The following HMCN1 variants were observed in gnomAD, a reference collection of about 807,000 sequenced individuals.
The protein encoded by HMCN1 is hemicentin 1, also known as hemicentin-1.
A neutral mutation model predicts 625.9 loss-of-function variants in HMCN1; 321 were observed. The observed-to-expected ratio is 0.51, with a 90% CI of 0.47 to 0.56. The LOEUF (loss-of-function observed/expected upper bound fraction) is 0.56, where lower values mean the gene tolerates loss of function less well. Ranked by LOEUF, HMCN1 falls within the 20% of genes least tolerant of loss-of-function variation. The probability of loss-of-function intolerance (pLI) is 0.00; values close to 1 mark genes in which losing one functional copy is unlikely to be tolerated. For missense variants in HMCN1, 6,588 were observed against 6,887.3 expected (o/e 0.96, Z 1.54); for synonymous variants, 2,425 against 2,417.6 (o/e 1.00, Z -0.09).
At chr1:185,948,940 T>A (rs1668496194) in intron 11 of HMCN1, among the ~76,000 whole-genome samples, 1 of 151,652 alleles carries the variant, frequency 6.6e-6, no homozygotes, top group South Asian at 2.1e-4. Flanking sequence ...GTGGGGTTGT[T>A]AGAAGAAGCA....
intron 1 of HMCN1, among the ~76,000 whole-genome samples, chr1:185,826,415 A>C (rs1660514735): frequency 6.6e-6 from 1 of 152,210 alleles, no homozygotes; most frequent in South Asian, 2.1e-4. Context: ...ATGTCTTCCC[A>C]AGGCAGTAGA....
chr1:185,735,002 A>G lies in HMCN1; in HGVS notation c.223A>G (p.Lys75Glu). Reference protein sequence around the residue: ...KILETSLKRPKRPLFNFALVP... With the variant: ...KILETSLKRPERPLFNFALVP... ...TTTGGAGACGTCTTTGAAAAGACCT[A>G]AAAGACCTCTTTTCAACTTTGCGTT... is the stretch of plus-strand genomic sequence containing the variant. The change falls in exon 1 of 107, where the codon AAA becomes GAA. Residue 75 changes from lysine to glutamate, a missense_variant. Lys to Glu is a moderately conservative substitution (Grantham distance 56, BLOSUM62 1). Transcript: ENST00000271588. 1 of 1,614,118 alleles carries G rather than the reference A, an allele frequency of 6.2e-7. No individual in the cohort carries two copies. The highest frequency in any genetic ancestry group is 1.3e-5 in the African/African-American group (1 of 75,036).
chr1:185,926,465 C>T (rs1197365285), intron 9 of HMCN1, among the ~76,000 whole-genome samples: 1 of 152,284 alleles, frequency 6.6e-6, no homozygotes, highest in East Asian at 1.9e-4. Flanking sequence ...ACATAACTAG[C>T]TGGTGAAATC....
At chr1:186,181,255 G>A (rs934586885) in intron 104 of HMCN1, among the ~76,000 whole-genome samples, 1 of 152,158 alleles carries the variant, frequency 6.6e-6, no homozygotes, top group African/African-American at 2.4e-5. Context: ...TATGCTCAGA[G>A]ACTATGAGCA....
chr1:185,789,412 C>G (rs1302628304), intron 1 of HMCN1, among the ~76,000 whole-genome samples: 2 of 152,178 alleles, frequency 1.3e-5, no homozygotes, highest in African/African-American at 2.4e-5. Context: ...GCTCAAGTAA[C>G]ACTGATGTGC....
rs767414619 is a variant in HMCN1, at chr1:185,984,355, A to G, written c.2935+42A>G. On this transcript the variant is annotated intron_variant, in intron 19 of 106. Transcript: ENST00000271588. ...ATGTTATTGTTTCGAAACTGTGTTC[A>G]AAGTAGTTGTTCTTATATTTTAATC... is the stretch of plus-strand genomic sequence containing the variant. The G allele has an allele frequency of 2.9e-5, 46 of 1,588,696 alleles. No individual in the cohort carries two copies. In the East Asian group the frequency reaches 1.0e-3, roughly 35 times the overall value.
chr1:186,087,768 C>A, intron 60 of HMCN1, 123 bp downstream of exon 60: 1 of 1,169,436 alleles, frequency 8.6e-7, no homozygotes, highest in Non-Finnish European at 1.3e-6. Context: ...AAATACATAG[C>A]CAATGCCATT....
chr1:185,761,259 G>A (rs1040177306), intron 1 of HMCN1, among the ~76,000 whole-genome samples: 3 of 152,108 alleles, frequency 2.0e-5, no homozygotes, highest in African/African-American at 4.8e-5. Context: ...TTGGGGGGTG[G>A]TAGAGCTTTT....
chr1:186,134,932 A>C (rs1056872788), intron 86 of HMCN1, among the ~76,000 whole-genome samples: 1 of 152,140 alleles, frequency 6.6e-6, no homozygotes, highest in African/African-American at 2.4e-5. Context: ...AATGTTCACA[A>C]CCCTGTATGC....
At chr1:186,187,808 C>A in intron 105 of HMCN1, 75 bp from the exon 106 acceptor site, 2 of 1,587,536 alleles carry the variant, frequency 1.3e-6, no homozygotes, top group Non-Finnish European at 1.7e-6. Flanking sequence ...TCTAGTCACA[C>A]ATCTACAGTG....
intron 1 of HMCN1, among the ~76,000 whole-genome samples, chr1:185,736,131 G>T (rs2102058535): frequency 6.6e-6 from 1 of 152,156 alleles, no homozygotes; most frequent in East Asian, 1.9e-4. Flanking sequence ...ATTAAATATG[G>T]CAGGTTTTAA....
intron 48 of HMCN1, among the ~76,000 whole-genome samples, chr1:186,064,033 A>T (rs1378245941): frequency 1.3e-5 from 2 of 152,154 alleles, no homozygotes; most frequent in African/African-American, 4.8e-5. Context: ...GTGAGCAATA[A>T]ATTCAAATAA....
chr1:185,873,349 G>A (rs1663741824), intron 4 of HMCN1, among the ~76,000 whole-genome samples: 1 of 152,048 alleles, frequency 6.6e-6, no homozygotes, highest in Non-Finnish European at 1.5e-5. Context: ...TCCTCATTTG[G>A]TCTTTATTTT....
chr1:186,001,209 G>T, intron 26 of HMCN1, 89 bp from the exon 27 acceptor site: 1 of 1,133,506 alleles, frequency 8.8e-7, no homozygotes, highest in South Asian at 1.3e-5. Context: ...AAATATTTCA[G>T]AATTTGCTGT....
At chr1:185,966,577 T>A (rs944337492) in intron 14 of HMCN1, among the ~76,000 whole-genome samples, 1 of 152,162 alleles carries the variant, frequency 6.6e-6, no homozygotes, top group African/African-American at 2.4e-5. Context: ...AAGCCCTGCT[T>A]CTGCTTCTGT....
In HMCN1 at chr1:186,096,900, T is replaced by TAAAG. The variant is rs147362934; in HGVS notation, c.10573+1381_10573+1384dup. Among the ~76,000 whole-genome samples, 399 of 152,136 alleles carry TAAAG rather than the reference T, an allele frequency of 2.6e-3. 3 individuals carry two copies. The highest frequency in any genetic ancestry group is 9.2e-3 in the African/African-American group (381 of 41,518). On this transcript the variant is annotated intron_variant, in intron 68 of 106. Transcript: ENST00000271588. ...ATAGAAGATACATACCTCAACACAA[T>TAAAG]AAAGACTATTTATGATAAATCCACA...
chr1:185,740,949 G>A (rs1444541011), intron 1 of HMCN1, among the ~76,000 whole-genome samples: 1 of 152,116 alleles, frequency 6.6e-6, no homozygotes, highest in African/African-American at 2.4e-5. Flanking sequence ...AGCTGAGATT[G>A]GACCATTGCA....
chr1:185,784,873 C>G (rs1436348289), intron 1 of HMCN1, among the ~76,000 whole-genome samples: 1 of 152,230 alleles, frequency 6.6e-6, no homozygotes, highest in Non-Finnish European at 1.5e-5. Context: ...TATGCCCCTT[C>G]TCTGCCAATC....
intron 100 of HMCN1, among the ~76,000 whole-genome samples, chr1:186,167,221 T>C (rs190602651): frequency 6.6e-6 from 1 of 152,370 alleles, no homozygotes; most frequent in East Asian, 1.9e-4. Context: ...AGTGACCATT[T>C]GCCTGTTACC....
Sources: gnomAD v4.1 joint callset for allele counts (sites outside exome capture counted in the v4.1 genomes callset) on GRCh38, gnomAD v4.1.1 for gene constraint, MANE v1.5 for transcripts, NCBI Gene and HGNC (gene_info 2026-07-23, HGNC 2026-07-21) for gene names.